Variants in PRR16 observed in about 807,000 individuals in gnomAD.
The protein encoded by PRR16 is protein Largen.
PRR16 carries 6 observed loss-of-function variants against 18.2 expected under a neutral mutation model. That is an observed-to-expected ratio of 0.33 (90% CI 0.18 to 0.65). The LOEUF is 0.65. Among genes scored for constraint, PRR16 ranks in the 30% least tolerant of loss-of-function variants. PRR16 has a pLI of 0.74. For missense variants in PRR16, 412 were observed against 376.6 expected (o/e 1.09, Z -0.78); for synonymous variants, 151 against 147.8 (o/e 1.02, Z -0.16).
intron 1 of PRR16, among the ~76,000 whole-genome samples, chr5:120,575,908 G>A (rs1561553773): frequency 6.6e-6 from 1 of 152,118 alleles, no homozygotes; most frequent in East Asian, 1.9e-4. Context: ...AAGCAAAGGT[G>A]CCAGGTACAC....
At chr5:120,715,220 A>G in the PRR16 span, among the ~76,000 whole-genome samples, 3 of 152,280 alleles carry the variant, frequency 2.0e-5, no homozygotes, top group South Asian at 6.2e-4. Flanking sequence ...GTGTTCTATA[A>G]AACTTTATTT....
the PRR16 span, among the ~76,000 whole-genome samples, chr5:120,697,180 C>G: frequency 4.6e-5 from 7 of 152,160 alleles, no homozygotes; most frequent in African/African-American, 1.4e-4. Context: ...AGAGGGATTT[C>G]TGAGAGACAG....
At chr5:120,766,517 T>C in the PRR16 span, among the ~76,000 whole-genome samples, 2 of 151,932 alleles carry the variant, frequency 1.3e-5, no homozygotes, top group South Asian at 2.1e-4. Flanking sequence ...ATTGCAAACA[T>C]CTTTCTTTGT....
At chr5:120,670,763 C>G (rs1040984490) in intron 1 of PRR16, among the ~76,000 whole-genome samples, 7 of 152,132 alleles carry the variant, frequency 4.6e-5, no homozygotes, top group Non-Finnish European at 5.9e-5. Flanking sequence ...TTGGTATTCT[C>G]AAGTTGTGGA....
the PRR16 span, among the ~76,000 whole-genome samples, chr5:120,776,479 A>G: frequency 2.0e-5 from 3 of 152,170 alleles, no homozygotes; most frequent in African/African-American, 2.4e-5. Context: ...TCATGGAAGG[A>G]GTGAAATGAA....
At chr5:120,730,080 A>G in the PRR16 span, among the ~76,000 whole-genome samples, 1 of 152,188 alleles carries the variant, frequency 6.6e-6, no homozygotes, top group African/African-American at 2.4e-5. Flanking sequence ...TTATGCATTT[A>G]CATACTACTT....
At chr5:120,546,238 A>T (rs1313949053) in intron 1 of PRR16, among the ~76,000 whole-genome samples, 1 of 152,124 alleles carries the variant, frequency 6.6e-6, no homozygotes, top group Non-Finnish European at 1.5e-5. Context: ...CACTTCTTAG[A>T]ATACAGTGGG....
intron 1 of PRR16, among the ~76,000 whole-genome samples, chr5:120,592,127 A>G (rs1402534209): frequency 6.6e-6 from 1 of 151,354 alleles, no homozygotes; most frequent in Non-Finnish European, 1.5e-5. Flanking sequence ...ACTGTGTTGC[A>G]GTTTTGCCAT....
At chr5:120,775,224 CATTT>C in the PRR16 span, among the ~76,000 whole-genome samples, 17 of 152,262 alleles carry the variant, frequency 1.1e-4, no homozygotes, top group African/African-American at 3.1e-4. Flanking sequence ...TTGTGATACA[CATTT>C]ATTATTTTGC....
At chr5:120,761,065 C>T in the PRR16 span, among the ~76,000 whole-genome samples, 1 of 151,936 alleles carries the variant, frequency 6.6e-6, no homozygotes, top group Admixed American at 6.6e-5. Flanking sequence ...TAAGTGTTAA[C>T]ATTTCTAATT....
chr5:120,631,491 G>C (rs753369475), intron 1 of PRR16, among the ~76,000 whole-genome samples: 20 of 152,080 alleles, frequency 1.3e-4, no homozygotes, highest in Admixed American at 1.3e-4. Flanking sequence ...TGTTGTTATG[G>C]GGGCACAATG....
intron 1 of PRR16, among the ~76,000 whole-genome samples, chr5:120,655,425 G>C (rs575967250): frequency 2.0e-4 from 29 of 144,912 alleles, no homozygotes; most frequent in Non-Finnish European, 4.1e-4. Context: ...TAATAGTTTA[G>C]CGTCAAAATA....
chr5:120,534,344 T>C (rs1751647480), intron 1 of PRR16, among the ~76,000 whole-genome samples: 1 of 152,164 alleles, frequency 6.6e-6, no homozygotes, highest in Admixed American at 6.5e-5. Flanking sequence ...AGATATTATA[T>C]TTTTCCTTTT....
intron 1 of PRR16, among the ~76,000 whole-genome samples, chr5:120,594,184 AC>A (rs1753729507): frequency 6.6e-6 from 1 of 152,054 alleles, no homozygotes; most frequent in Non-Finnish European, 1.5e-5. Flanking sequence ...ATAAAAGTCA[AC>A]CAAATAGGAA....
At chr5:120,741,726 G>A in the PRR16 span, among the ~76,000 whole-genome samples, 5 of 151,974 alleles carry the variant, frequency 3.3e-5, no homozygotes, top group South Asian at 2.1e-4. Context: ...CTCAGCCTCC[G>A]AGTAGCTGGG....
chr5:120,534,336 A>T lies in PRR16; in HGVS notation c.159+69691A>T, dbSNP rs554168530. Among the ~76,000 whole-genome samples, 26 of 152,254 alleles carry T rather than the reference A, an allele frequency of 1.7e-4. No homozygotes were observed. The South Asian group carries it at 5.4e-3, about 32-fold the overall frequency. ...TATTGGTTTTTGAATATCTTAAAAG[A>T]TATTATATTTTTCCTTTTATCTGTT... On this transcript the variant is annotated intron_variant, in intron 1 of 1. Transcript: ENST00000407149.
chr5:120,664,773 CA>C (rs968415574), intron 1 of PRR16, among the ~76,000 whole-genome samples: 1 of 129,266 alleles, frequency 7.7e-6, no homozygotes, highest in African/African-American at 2.8e-5. Context: ...CATGTCCCTA[CA>C]AAGACATGAA....
intron 1 of PRR16, among the ~76,000 whole-genome samples, chr5:120,548,291 A>AT (rs911538402): frequency 2.0e-4 from 30 of 152,122 alleles, no homozygotes; most frequent in Non-Finnish European, 3.8e-4. Flanking sequence ...TGCAGACATT[A>AT]TTTTTTGGAG....
At chr5:120,497,871 C>G (rs1750311162) in intron 1 of PRR16, among the ~76,000 whole-genome samples, 1 of 151,356 alleles carries the variant, frequency 6.6e-6, no homozygotes, top group African/African-American at 2.4e-5. Flanking sequence ...GTCACTCTTG[C>G]TTTTTGATTA....
Sources: gnomAD v4.1 joint callset for allele counts (sites outside exome capture counted in the v4.1 genomes callset) on GRCh38, gnomAD v4.1.1 for gene constraint, MANE v1.5 for transcripts, NCBI Gene and HGNC (gene_info 2026-07-23, HGNC 2026-07-21) for gene names.